CENPP: variants seen among roughly 807,000 people sequenced by gnomAD.
The protein encoded by CENPP is centromere protein P.
A neutral mutation model predicts 35.6 loss-of-function variants in CENPP; 24 were observed. That is an observed-to-expected ratio of 0.67 (90% CI 0.49 to 0.95). The LOEUF (loss-of-function observed/expected upper bound fraction) is 0.95. CENPP is among the 40% of genes least tolerant of loss of function. The probability of loss-of-function intolerance (pLI) is 0.00; values close to 1 mark genes in which losing one functional copy is unlikely to be tolerated. For missense variants in CENPP, 332 were observed against 345.3 expected (o/e 0.96, Z 0.31); for synonymous variants, 120 against 125.5 (o/e 0.96, Z 0.29).
At chr9:92,481,881 G>A (rs1287616571) in intron 5 of CENPP, among the ~76,000 whole-genome samples, 1 of 151,754 alleles carries the variant, frequency 6.6e-6, no homozygotes, top group Non-Finnish European at 1.5e-5. Flanking sequence ...TTTAAATATT[G>A]AAAAATATAT....
chr9:92,465,664 A>G (rs923101313), intron 5 of CENPP, among the ~76,000 whole-genome samples: 9 of 152,226 alleles, frequency 5.9e-5, no homozygotes, highest in Non-Finnish European at 8.8e-5. Flanking sequence ...CTTAAAGCAG[A>G]TAACCAAATG....
At chr9:92,474,706 G>A in intron 5 of CENPP, 1 of 1,613,630 alleles carries the variant, frequency 6.2e-7, no homozygotes, top group Non-Finnish European at 8.5e-7. Context: ...GAAAAAAATG[G>A]CTTCTTGGCT....
chr9:92,389,270 C>T (rs1036798224), intron 5 of CENPP, among the ~76,000 whole-genome samples: 4 of 152,094 alleles, frequency 2.6e-5, no homozygotes, highest in African/African-American at 9.7e-5. Flanking sequence ...TCTACCTAAA[C>T]CGAAGTAGAT....
chr9:92,501,159 A>T (rs984003366), intron 5 of CENPP: 1 of 1,155,682 alleles, frequency 8.7e-7, no homozygotes, highest in Non-Finnish European at 1.2e-6. Context: ...TCCTATAAGC[A>T]CCCAGTTTGT....
chr9:92,479,880 C>G (rs1399938299), intron 5 of CENPP, among the ~76,000 whole-genome samples: 1 of 152,092 alleles, frequency 6.6e-6, no homozygotes, highest in African/African-American at 2.4e-5. Flanking sequence ...GGTCCTAAAC[C>G]TCCCCCAGTT....
chr9:92,423,700 A>C (rs1588120833), intron 5 of CENPP, among the ~76,000 whole-genome samples: 1 of 152,168 alleles, frequency 6.6e-6, no homozygotes, highest in South Asian at 2.1e-4. Flanking sequence ...TCCCTTTGAG[A>C]AAGAAGTAAA....
intron 5 of CENPP, chr9:92,600,438 A>G (rs1180730135): frequency 6.2e-7 from 1 of 1,612,656 alleles, no homozygotes; most frequent in African/African-American, 1.3e-5. Context: ...AGTCTGTACA[A>G]ACAAGAAAAG....
intron 4 of CENPP, among the ~76,000 whole-genome samples, chr9:92,377,858 A>AT (rs1033405954): frequency 6.6e-6 from 1 of 151,810 alleles, no homozygotes; most frequent in Non-Finnish European, 1.5e-5. Flanking sequence ...AGTTCTCAGT[A>AT]TTTTTTTTCT....
At chr9:92,361,566 G>A (rs956078544) in intron 4 of CENPP, among the ~76,000 whole-genome samples, 11 of 151,238 alleles carry the variant, frequency 7.3e-5, no homozygotes, top group East Asian at 1.9e-4. Flanking sequence ...TGCAACCTCC[G>A]CTCCCCAGGT....
intron 5 of CENPP, among the ~76,000 whole-genome samples, chr9:92,545,508 A>C (rs956274135): frequency 6.7e-5 from 10 of 149,284 alleles, no homozygotes; most frequent in Non-Finnish European, 1.5e-4. Context: ...CCGGACCTGC[A>C]GCCCGCCAAG....
intron 5 of CENPP, chr9:92,404,571 G>T: frequency 1.5e-6 from 2 of 1,293,754 alleles, no homozygotes. Flanking sequence ...CCAAGTGGGA[G>T]GGTGAATGAG....
intron 5 of CENPP, among the ~76,000 whole-genome samples, chr9:92,557,423 C>T (rs1409209281): frequency 6.6e-6 from 1 of 152,168 alleles, no homozygotes; most frequent in African/African-American, 2.4e-5. Flanking sequence ...GTTTTTCAAG[C>T]TTTTAGAATT....
chr9:92,507,295 A>G (rs1021955210), intron 5 of CENPP, among the ~76,000 whole-genome samples: 1 of 152,224 alleles, frequency 6.6e-6, no homozygotes, highest in African/African-American at 2.4e-5. Flanking sequence ...CCAAAACTAA[A>G]GGTACTGAGA....
chr9:92,559,673 T>A (rs1402633489), intron 5 of CENPP, among the ~76,000 whole-genome samples: 1 of 152,042 alleles, frequency 6.6e-6, no homozygotes, highest in Non-Finnish European at 1.5e-5. Context: ...TCTTTTTTAA[T>A]TTTTTTTCAT....
chr9:92,497,874 TAA>T (rs71362393), intron 5 of CENPP, among the ~76,000 whole-genome samples: 54,910 of 134,712 alleles, frequency 0.41, 12,506 homozygotes, highest in African/African-American at 0.63. Flanking sequence ...GCTGGTTGTT[TAA>T]AAAAAAAAAA....
intron 4 of CENPP, among the ~76,000 whole-genome samples, chr9:92,376,838 C>T (rs1386299463): frequency 2.0e-5 from 3 of 151,816 alleles, no homozygotes; most frequent in Admixed American, 2.0e-4. Flanking sequence ...GTCAGGAGTT[C>T]GAGACCAGCC....
intron 5 of CENPP, among the ~76,000 whole-genome samples, chr9:92,524,277 C>A (rs1848257361): frequency 6.6e-6 from 1 of 152,138 alleles, no homozygotes; most frequent in South Asian, 2.1e-4. Context: ...AAGAGTAACT[C>A]TTTAATTAGC....
At chr9:92,343,199 G>T (rs1014433286) in intron 3 of CENPP, among the ~76,000 whole-genome samples, 1 of 152,152 alleles carries the variant, frequency 6.6e-6, no homozygotes, top group African/African-American at 2.4e-5. Flanking sequence ...ACAAAGTGAT[G>T]ACTTATAGTT....
At chr9:92,532,653 T>C (rs754631156) in intron 5 of CENPP, among the ~76,000 whole-genome samples, 8 of 152,230 alleles carry the variant, frequency 5.3e-5, no homozygotes, top group Non-Finnish European at 8.8e-5. Flanking sequence ...TGTTCTTTTA[T>C]TGTATTTTCT....
Sources: allele counts gnomAD v4.1 joint callset (sites outside exome capture counted in the v4.1 genomes callset), GRCh38; gene constraint gnomAD v4.1.1; transcripts MANE v1.5; gene names NCBI Gene and HGNC (gene_info 2026-07-23, HGNC 2026-07-21).